The following RAB27B variants were observed in gnomAD, a reference collection of about 807,000 sequenced individuals.
RAB27B encodes RAB27B, member RAS oncogene family, also known as ras-related protein Rab-27B.
Under a neutral mutation model 24.6 loss-of-function variants are expected in RAB27B, and 15 were observed. The ratio of observed to expected loss-of-function variants is 0.61; its 90% CI spans 0.41 to 0.94. RAB27B has a LOEUF of 0.94. Ranked by LOEUF, RAB27B falls within the 40% of genes least tolerant of loss-of-function variation. RAB27B has a pLI of 0.00. For missense variants in RAB27B, 261 were observed against 266.8 expected (o/e 0.98, Z 0.15); for synonymous variants, 105 against 92.5 (o/e 1.14, Z -0.78).
intron 2 of RAB27B, among the ~76,000 whole-genome samples, chr18:54,751,238 A>C (rs897094166): frequency 6.6e-6 from 1 of 152,056 alleles, no homozygotes; most frequent in Non-Finnish European, 1.5e-5. Context: ...TAGCAGAGAG[A>C]TATAAAGGAG....
intron 2 of RAB27B, among the ~76,000 whole-genome samples, chr18:54,804,904 CTCTTTCTTTCTT>C (rs777177556): frequency 1.7e-4 from 8 of 48,020 alleles, no homozygotes; most frequent in African/African-American, 4.0e-4. Flanking sequence ...CTTTCTCTCT[CTCTTTCTTTCTT>C]TCTTTCTTTC....
chr18:54,736,804 A>G (rs189469828), intron 2 of RAB27B, among the ~76,000 whole-genome samples: 111 of 152,264 alleles, frequency 7.3e-4, no homozygotes, highest in Non-Finnish European at 1.4e-3. Context: ...CAAAAGAGAT[A>G]GCATAAGCGT....
intron 2 of RAB27B, among the ~76,000 whole-genome samples, chr18:54,818,262 T>G (rs1364608740): frequency 3.3e-5 from 5 of 152,224 alleles, no homozygotes; most frequent in Non-Finnish European, 5.9e-5. Context: ...AAGACAGGGC[T>G]TAATCTGGGT....
At chr18:54,744,082 T>C (rs1468326453) in intron 2 of RAB27B, among the ~76,000 whole-genome samples, 2 of 152,200 alleles carry the variant, frequency 1.3e-5, no homozygotes, top group African/African-American at 2.4e-5. Context: ...TACTAACTTA[T>C]TAAAATCAAC....
At chr18:54,768,646 T>C (rs1279168051) in intron 2 of RAB27B, among the ~76,000 whole-genome samples, 1 of 152,152 alleles carries the variant, frequency 6.6e-6, no homozygotes, top group Non-Finnish European at 1.5e-5. Flanking sequence ...CTGGGTAATT[T>C]ATCAAGGAAA....
chr18:54,758,031 T>C (rs943504695), intron 2 of RAB27B, among the ~76,000 whole-genome samples: 1 of 152,288 alleles, frequency 6.6e-6, no homozygotes, highest in Middle Eastern at 3.4e-3. Context: ...TGGAGTGCAG[T>C]GGTGCGCTCT....
At chr18:54,758,378 TG>T in intron 2 of RAB27B, among the ~76,000 whole-genome samples, 1 of 152,310 alleles carries the variant, frequency 6.6e-6, no homozygotes, top group South Asian at 2.1e-4. Context: ...GTTTTTCCTT[TG>T]AAGAACTGAC....
upstream of RAB27B, among the ~76,000 whole-genome samples, chr18:54,823,900 A>T (rs1326712372): frequency 2.0e-5 from 3 of 152,196 alleles, no homozygotes; most frequent in African/African-American, 7.2e-5. Context: ...CAAAATCTAC[A>T]GTTCTTGTGG....
intron 2 of RAB27B, among the ~76,000 whole-genome samples, chr18:54,807,434 T>C (rs913320495): frequency 1.3e-5 from 2 of 152,172 alleles, no homozygotes; most frequent in Non-Finnish European, 2.9e-5. Flanking sequence ...AAACAAGTCC[T>C]TACCTTCTTG....
At chr18:54,849,548 T>C (rs1911472874) in intron 1 of RAB27B, among the ~76,000 whole-genome samples, 1 of 152,060 alleles carries the variant, frequency 6.6e-6, no homozygotes, top group African/African-American at 2.4e-5. Context: ...GTGAAACCAC[T>C]GTCTCTACTA....
intron 1 of RAB27B, among the ~76,000 whole-genome samples, chr18:54,869,744 C>A (rs150738482): frequency 1.3e-5 from 2 of 152,024 alleles, no homozygotes; most frequent in Non-Finnish European, 2.9e-5. Context: ...CCAAAGCCTT[C>A]CACAAATAGG....
intron 2 of RAB27B, among the ~76,000 whole-genome samples, chr18:54,744,568 T>G (rs1910175028): frequency 6.6e-6 from 1 of 152,232 alleles, no homozygotes; most frequent in Non-Finnish European, 1.5e-5. Context: ...TGATAATTAT[T>G]CTTATTTGAT....
chr18:54,822,325 G>A (rs1390941425), intron 2 of RAB27B, among the ~76,000 whole-genome samples: 2 of 152,290 alleles, frequency 1.3e-5, no homozygotes, highest in African/African-American at 4.8e-5. Context: ...AGGAATTTAA[G>A]ATGATTTAAT....
intron 2 of RAB27B, among the ~76,000 whole-genome samples, chr18:54,804,904 C>CTTTCTT (rs1555658013): frequency 8.3e-5 from 4 of 47,972 alleles, no homozygotes; most frequent in Admixed American, 2.0e-4. Flanking sequence ...CTTTCTCTCT[C>CTTTCTT]TCTTTCTTTC....
intron 2 of RAB27B, among the ~76,000 whole-genome samples, chr18:54,730,228 TG>T (rs1190810568): frequency 6.6e-6 from 1 of 152,190 alleles, no homozygotes; most frequent in African/African-American, 2.4e-5. Flanking sequence ...AGTGCTCTTG[TG>T]TTTAGTTTTT....
chr18:54,783,481 T>TGTGTGTGTGTGTGTG lies in RAB27B; in HGVS notation c.-20+65340_-20+65341insGTGTGTGTGTGTGTG, dbSNP rs1908980504. ...AATGTTAATTATGAAGCCTATGGCT[T>TGTGTGTGTGTGTGTG]TGTGTGTGTGTGTGTGTGTGTGTGT... On this transcript the variant is annotated intron_variant, in intron 2 of 4. Transcript: ENST00000586570. Among the ~76,000 whole-genome samples, 128 of 149,788 alleles carry TGTGTGTGTGTGTGTG rather than the reference T, an allele frequency of 8.5e-4. 1 individual carries two copies. Among genetic ancestry groups the TGTGTGTGTGTGTGTG allele is most frequent in the African/African-American group, 3.0e-3 (122 of 40,808 alleles).
chr18:54,790,462 G>A (rs188481045), intron 2 of RAB27B, among the ~76,000 whole-genome samples: 1 of 152,210 alleles, frequency 6.6e-6, no homozygotes, highest in East Asian at 1.9e-4. Context: ...AGTTATCAGT[G>A]ATTTAATCTT....
At chr18:54,752,609 G>C (rs568416764) in intron 2 of RAB27B, among the ~76,000 whole-genome samples, 8 of 152,268 alleles carry the variant, frequency 5.3e-5, no homozygotes, top group Admixed American at 1.3e-4. Context: ...TTTCTATTTG[G>C]GGTTTGTTTG....
chr18:54,726,262 A>G (rs1188587067), intron 2 of RAB27B, among the ~76,000 whole-genome samples: 2 of 151,652 alleles, frequency 1.3e-5, no homozygotes, highest in African/African-American at 4.8e-5. Context: ...TATATTTAGT[A>G]TTCCAGTTTA....
Sources: gnomAD v4.1 joint callset for allele counts (sites outside exome capture counted in the v4.1 genomes callset) on GRCh38, gnomAD v4.1.1 for gene constraint, MANE v1.5 for transcripts, NCBI Gene and HGNC (gene_info 2026-07-23, HGNC 2026-07-21) for gene names.